The following PDE4B variants were observed in gnomAD, a reference collection of about 807,000 sequenced individuals.
The protein encoded by PDE4B is phosphodiesterase 4B, also known as 3',5'-cyclic-AMP phosphodiesterase 4B.
A neutral mutation model predicts 82.2 loss-of-function variants in PDE4B; 20 were observed. That is an observed-to-expected ratio of 0.24 (90% CI 0.17 to 0.35). The LOEUF (loss-of-function observed/expected upper bound fraction) is 0.35. Ranked by LOEUF, PDE4B falls within the 10% of genes least tolerant of loss-of-function variation. The probability of loss-of-function intolerance (pLI) is 1.00; values close to 1 mark genes in which losing one functional copy is unlikely to be tolerated. For missense variants in PDE4B, 655 were observed against 907.2 expected (o/e 0.72, Z 3.57); for synonymous variants, 320 against 318.9 (o/e 1.00, Z -0.04).
At chr1:65,838,170 A>G (rs1646163144) in intron 1 of PDE4B, among the ~76,000 whole-genome samples, 1 of 152,168 alleles carries the variant, frequency 6.6e-6, no homozygotes. Flanking sequence ...CTTGCCAGTG[A>G]AACCTCCGCA....
chr1:65,849,448 T>C (rs564964431), intron 1 of PDE4B, among the ~76,000 whole-genome samples: 5 of 152,268 alleles, frequency 3.3e-5, no homozygotes, highest in African/African-American at 1.2e-4. Context: ...CAGTACTCCA[T>C]TGGGAAGCAT....
chr1:65,867,957 T>C (rs1031526437), intron 1 of PDE4B, among the ~76,000 whole-genome samples: 2 of 152,238 alleles, frequency 1.3e-5, no homozygotes, highest in African/African-American at 4.8e-5. Context: ...CTCGAGAGTC[T>C]ACGGTCAGTT....
chr1:66,257,366 T>G, intron 4 of PDE4B: 1 of 552,934 alleles, frequency 1.8e-6, no homozygotes, highest in East Asian at 3.8e-5. Flanking sequence ...TCTGGATCTG[T>G]TATTTAATGG....
chr1:66,039,171 T>A (rs17128289), intron 3 of PDE4B, among the ~76,000 whole-genome samples: 7,641 of 152,152 alleles, frequency 0.05, 571 homozygotes, highest in East Asian at 0.36. Context: ...TTGGAAAATA[T>A]TGGACACACA....
intron 3 of PDE4B, among the ~76,000 whole-genome samples, chr1:65,952,533 A>C (rs1649056867): frequency 6.6e-6 from 1 of 151,922 alleles, no homozygotes; most frequent in African/African-American, 2.4e-5. Flanking sequence ...AAATACAAAA[A>C]TTAGCCAGGC....
At chr1:66,048,776 A>C (rs972735056) in intron 3 of PDE4B, 3 of 151,922 alleles carry the variant, frequency 2.0e-5, no homozygotes, top group Non-Finnish European at 4.4e-5. Context: ...AAATATCTAA[A>C]TATTTTTGTT....
At chr1:65,851,115 A>G (rs1291350288) in intron 1 of PDE4B, among the ~76,000 whole-genome samples, 1 of 152,150 alleles carries the variant, frequency 6.6e-6, no homozygotes, top group Non-Finnish European at 1.5e-5. Context: ...GCTGTCAAAA[A>G]TCAATAGGCC....
At chr1:66,026,605 A>G (rs1653447848) in intron 3 of PDE4B, among the ~76,000 whole-genome samples, 1 of 152,198 alleles carries the variant, frequency 6.6e-6, no homozygotes, top group Non-Finnish European at 1.5e-5. Context: ...GTTAATATAT[A>G]AAAGTTCTGA....
chr1:65,817,501 A>G (rs1645900499), intron 1 of PDE4B, among the ~76,000 whole-genome samples: 1 of 152,150 alleles, frequency 6.6e-6, no homozygotes, highest in Non-Finnish European at 1.5e-5. Context: ...GTACACATGA[A>G]GTGGTTTTTA....
At chr1:66,188,230 T>A (rs1358845223) in intron 3 of PDE4B, among the ~76,000 whole-genome samples, 4 of 152,084 alleles carry the variant, frequency 2.6e-5, no homozygotes, top group Non-Finnish European at 5.9e-5. Context: ...TCTTTTACAT[T>A]TGTTGAGGAG....
chr1:66,269,362 GA>G (rs1409540949), intron 7 of PDE4B, among the ~76,000 whole-genome samples: 3 of 152,220 alleles, frequency 2.0e-5, no homozygotes, highest in African/African-American at 7.2e-5. Context: ...CTCCCAGGTT[GA>G]GGAGAAAGAC....
intron 3 of PDE4B, among the ~76,000 whole-genome samples, chr1:66,214,046 G>A (rs1650265227): frequency 6.6e-6 from 1 of 152,136 alleles, no homozygotes; most frequent in Non-Finnish European, 1.5e-5. Context: ...GTATCAAAAA[G>A]ATGAGACATC....
intron 1 of PDE4B, among the ~76,000 whole-genome samples, chr1:65,886,681 A>G (rs374178241): frequency 5.3e-5 from 8 of 152,110 alleles, no homozygotes; most frequent in Admixed American, 5.2e-4. Context: ...AATGACCTCC[A>G]TTTCCATCCA....
chr1:65,818,685 C>T lies in PDE4B; in HGVS notation c.-71+25437C>T, dbSNP rs7415247. On this transcript the variant is annotated intron_variant, in intron 1 of 16. Coordinates refer to ENST00000341517, the MANE Select transcript of PDE4B (RefSeq NM_002600.4). The stretch of plus-strand genomic sequence containing the variant: ...ATACATATATATTCACACACACACA[C>T]ATATATATATATATATATAAAATAA... Among the ~76,000 whole-genome samples, 110 of 143,766 alleles carry T rather than the reference C, an allele frequency of 7.7e-4. 1 individual carries two copies. Among genetic ancestry groups the T allele is most frequent in the East Asian group, 1.5e-3 (7 of 4,810 alleles). The allele number at this position is 143,766 out of a possible 152,430, so 94.3% of individuals were successfully genotyped here.
chr1:66,265,944 G>C (rs1284124011), intron 6 of PDE4B, 94 bp from the exon 7 acceptor site: 1 of 895,896 alleles, frequency 1.1e-6, no homozygotes, highest in African/African-American at 1.6e-5. Flanking sequence ...TTATGACCTG[G>C]AAAAGTCCTC....
intron 3 of PDE4B, among the ~76,000 whole-genome samples, chr1:66,022,043 T>G (rs966387696): frequency 1.3e-5 from 2 of 152,172 alleles, no homozygotes; most frequent in African/African-American, 2.4e-5. Flanking sequence ...TTGTAAGTTG[T>G]ATTCCTAGAT....
At chr1:66,221,341 CT>C (rs1650971098) in intron 3 of PDE4B, among the ~76,000 whole-genome samples, 2 of 152,064 alleles carry the variant, frequency 1.3e-5, no homozygotes, top group Non-Finnish European at 2.9e-5. Context: ...TGTAGACCCC[CT>C]GATTATTTAT....
intron 3 of PDE4B, among the ~76,000 whole-genome samples, chr1:65,990,670 T>A (rs904039636): frequency 3.3e-5 from 5 of 152,174 alleles, no homozygotes; most frequent in African/African-American, 1.2e-4. Flanking sequence ...AAATTACAAT[T>A]TTGTAATTGA....
chr1:66,339,018 C>T (rs888461657), intron 8 of PDE4B, among the ~76,000 whole-genome samples: 5 of 79,800 alleles, frequency 6.3e-5, no homozygotes, highest in Non-Finnish European at 1.5e-4. Flanking sequence ...GACTCCGTCT[C>T]AAAAAAAAAA....
Sources: allele counts gnomAD v4.1 joint callset (sites outside exome capture counted in the v4.1 genomes callset), GRCh38; gene constraint gnomAD v4.1.1; transcripts MANE v1.5; gene names NCBI Gene and HGNC (gene_info 2026-07-23, HGNC 2026-07-21).